Variants in ZNF536 observed in about 807,000 individuals in gnomAD.
ZNF536 encodes the protein zinc finger protein 536.
In ZNF536, 13 loss-of-function variants were observed where a neutral mutation model predicts 84.5. The observed-to-expected ratio is 0.15, with a 90% CI of 0.10 to 0.24. The LOEUF is 0.24. Among genes scored for constraint, ZNF536 ranks in the 10% least tolerant of loss-of-function variants. The pLI is 1.00. For missense variants in ZNF536, 1,536 were observed against 1,747.5 expected, an observed-to-expected ratio of 0.88 and a Z score of 2.16; for synonymous variants, 811 against 742.5, an observed-to-expected ratio of 1.09 and a Z score of -1.50.
At chr19:30,688,345 CTT>C (rs2051279242) in intron 1 of ZNF536, among the ~76,000 whole-genome samples, 1 of 152,250 alleles carries the variant, frequency 6.6e-6, no homozygotes, top group East Asian at 1.9e-4. Context: ...CGTGAGGACT[CTT>C]TGTTCTGAGT....
chr19:30,709,178 A>C (rs2052363333), intron 1 of ZNF536, among the ~76,000 whole-genome samples: 2 of 152,300 alleles, frequency 1.3e-5, no homozygotes, highest in South Asian at 4.1e-4. Context: ...GATTAGGTGA[A>C]CGTCCACAGG....
At position 30,291,626 on chromosome 19, in the gene ZNF536, T is replaced by C. The variant is rs115800401; in HGVS notation, c.-120+7485T>C. Among the ~76,000 whole-genome samples, 1,381 of 152,356 alleles carry C rather than the reference T, an allele frequency of 9.1e-3. 23 individuals carry two copies. Among genetic ancestry groups the C allele is most frequent in the African/African-American group, 0.031 (1,292 of 41,572 alleles). On this transcript the variant is annotated intron_variant, in intron 2 of 5. Coordinates refer to the ZNF536 transcript ENST00000585628. ...TTGGGTGGAATTGCGGGATCTATGGTAATTCCATGTTTAATTTTTTGTGGA... is the reference window on the plus strand; with the variant it reads ...TTGGGTGGAATTGCGGGATCTATGGCAATTCCATGTTTAATTTTTTGTGGA...
intron 4 of ZNF536, among the ~76,000 whole-genome samples, chr19:30,551,060 T>A (rs1235715475): frequency 1.3e-5 from 2 of 151,988 alleles, no homozygotes; most frequent in Admixed American, 1.3e-4. Context: ...GTTGAAGGCT[T>A]TTTTTTCTTT....
intron 2 of ZNF536, among the ~76,000 whole-genome samples, chr19:30,340,843 G>A (rs2047542649): frequency 6.6e-6 from 1 of 152,174 alleles, no homozygotes; most frequent in African/African-American, 2.4e-5. Flanking sequence ...TCTAAAAGAT[G>A]TGAGCCTCTC....
intron 1 of ZNF536, among the ~76,000 whole-genome samples, chr19:30,695,878 C>T (rs2051636805): frequency 6.6e-6 from 1 of 152,092 alleles, no homozygotes; most frequent in Non-Finnish European, 1.5e-5. Flanking sequence ...TCCTTACAGC[C>T]CATCTTATTG....
At chr19:30,257,666 G>A (rs1213465862) in intron 1 of ZNF536, among the ~76,000 whole-genome samples, 2 of 152,190 alleles carry the variant, frequency 1.3e-5, no homozygotes, top group Non-Finnish European at 2.9e-5. Context: ...ACAGCACAGT[G>A]TTGGAGAATA....
chr19:30,468,081 A>G (rs1446036814), intron 2 of ZNF536, among the ~76,000 whole-genome samples: 1 of 152,250 alleles, frequency 6.6e-6, no homozygotes, highest in Non-Finnish European at 1.5e-5. Context: ...GTCACCGCCC[A>G]CGACAAGATA....
At chr19:30,306,059 C>T (rs558872872) in intron 2 of ZNF536, among the ~76,000 whole-genome samples, 1 of 152,342 alleles carries the variant, frequency 6.6e-6, no homozygotes, top group South Asian at 2.1e-4. Context: ...CCCATTTATT[C>T]ATTTGCTCAT....
intron 1 of ZNF536, among the ~76,000 whole-genome samples, chr19:30,618,303 C>T (rs1461575487): frequency 1.3e-5 from 2 of 152,110 alleles, no homozygotes; most frequent in African/African-American, 4.8e-5. Context: ...TTATCAAAAT[C>T]TTTCCTTTTT....
intron 1 of ZNF536, among the ~76,000 whole-genome samples, chr19:30,420,576 C>T (rs2050911190): frequency 6.6e-6 from 1 of 152,108 alleles, no homozygotes; most frequent in Non-Finnish European, 1.5e-5. Flanking sequence ...GCCCGGCTGC[C>T]GCGCAGATAA....
chr19:30,533,154 C>T (rs1225262627), intron 2 of ZNF536, among the ~76,000 whole-genome samples: 1 of 152,190 alleles, frequency 6.6e-6, no homozygotes, highest in African/African-American at 2.4e-5. Context: ...TGGTCGTACA[C>T]AGTCCAACTG....
At chr19:30,579,447 G>A (rs1415969117) in intron 1 of ZNF536, among the ~76,000 whole-genome samples, 2 of 152,152 alleles carry the variant, frequency 1.3e-5, no homozygotes, top group East Asian at 1.9e-4. Flanking sequence ...CTTTGACTGG[G>A]GTTCCTTAGT....
At chr19:30,293,724 C>T (rs934957677) in intron 2 of ZNF536, among the ~76,000 whole-genome samples, 6 of 152,086 alleles carry the variant, frequency 3.9e-5, no homozygotes, top group African/African-American at 1.2e-4. Context: ...ATAATGTGAT[C>T]GGCATGTTAG....
intron 2 of ZNF536, among the ~76,000 whole-genome samples, chr19:30,495,842 A>G (rs1380789645): frequency 6.6e-6 from 1 of 152,220 alleles, no homozygotes; most frequent in African/African-American, 2.4e-5. Context: ...AGTCACAGCA[A>G]GAGACTCCAG....
intron 1 of ZNF536, among the ~76,000 whole-genome samples, chr19:30,597,203 C>T (rs568600300): frequency 2.6e-5 from 4 of 152,200 alleles, no homozygotes; most frequent in South Asian, 2.1e-4. Context: ...GGGATGGTCC[C>T]CCTAGGACCC....
intron 2 of ZNF536, among the ~76,000 whole-genome samples, chr19:30,509,324 C>T (rs1042970250): frequency 2.0e-4 from 29 of 142,092 alleles, no homozygotes; most frequent in Admixed American, 6.3e-4. Context: ...TATATAACTA[C>T]GTATGTATAA....
chr19:30,437,542 G>C (rs1392830187), intron 1 of ZNF536, among the ~76,000 whole-genome samples: 1 of 152,072 alleles, frequency 6.6e-6, no homozygotes, highest in Non-Finnish European at 1.5e-5. Flanking sequence ...TTCACCCGGG[G>C]CCCCTGCCTG....
At chr19:30,303,172 G>T (rs556314983) in intron 2 of ZNF536, among the ~76,000 whole-genome samples, 8 of 152,284 alleles carry the variant, frequency 5.3e-5, no homozygotes, top group African/African-American at 1.9e-4. Flanking sequence ...GGTGTCCAGG[G>T]TCTCCTGGGA....
chr19:30,626,676 C>G (rs114308242), intron 1 of ZNF536, among the ~76,000 whole-genome samples: 1,676 of 152,242 alleles, frequency 0.011, 27 homozygotes, highest in African/African-American at 0.031. Context: ...ACCGTGGGCC[C>G]CTGCACGACG....
Sources: gnomAD v4.1 joint callset for allele counts (sites outside exome capture counted in the v4.1 genomes callset) on GRCh38, gnomAD v4.1.1 for gene constraint, MANE v1.5 for transcripts, NCBI Gene and HGNC (gene_info 2026-07-23, HGNC 2026-07-21) for gene names.